ARRDC5: variants seen among roughly 807,000 people sequenced by gnomAD.
The protein encoded by ARRDC5 is arrestin domain containing 5.
A neutral mutation model predicts 13.3 loss-of-function variants in ARRDC5; 12 were observed. That is an observed-to-expected ratio of 0.90 (90% CI 0.58 to 1.46). ARRDC5 has a LOEUF of 1.46. ARRDC5 is among the 40% of genes most tolerant of loss of function. The probability of loss-of-function intolerance (pLI) is 0.00; values close to 1 mark genes in which losing one functional copy is unlikely to be tolerated. For missense variants in ARRDC5, 406 were observed against 418.7 expected, an observed-to-expected ratio of 0.97 and a Z score of 0.26; for synonymous variants, 181 against 173.4, an observed-to-expected ratio of 1.04 and a Z score of -0.34.
intron 2 of ARRDC5, among the ~76,000 whole-genome samples, chr19:4,896,086 A>G (rs2031699184): frequency 6.6e-6 from 1 of 152,096 alleles, no homozygotes; most frequent in African/African-American, 2.4e-5. Context: ...AGGCCAAGGC[A>G]GGCGGATCAC....
chr19:4,899,764 CAA>C (rs1217500792), intron 1 of ARRDC5, among the ~76,000 whole-genome samples: 10 of 67,980 alleles, frequency 1.5e-4, no homozygotes, highest in African/African-American at 3.6e-4. Flanking sequence ...CCCGTCTCTA[CAA>C]AAAAAAAAAA....
At chr19:4,909,762 C>T in the ARRDC5 span, 5 of 478,876 alleles carry the variant, frequency 1.0e-5, no homozygotes. Context: ...GCATGTCCCG[C>T]ACTCTGTCCC....
upstream of ARRDC5, among the ~76,000 whole-genome samples, chr19:4,903,919 G>T (rs1022608651): frequency 1.5e-4 from 23 of 152,196 alleles, no homozygotes; most frequent in African/African-American, 5.3e-4. Context: ...GATCAGGGCA[G>T]TGTGTGCTTA....
At chr19:4,903,076 G>T (rs79563363), upstream of ARRDC5, 46,252 of 457,682 alleles carry the variant, frequency 0.1, 2,922 homozygotes, top group Middle Eastern at 0.18. Flanking sequence ...GCCCAGGCTG[G>T]AGTGCAGGGG....
At chr19:4,909,603 C>A in the ARRDC5 span, 548 of 641,366 alleles carry the variant, frequency 8.5e-4, 6 homozygotes, top group South Asian at 6.6e-3. Context: ...TCATCGCCAT[C>A]CCCAGCCGGG....
At chr19:4,916,677 G>A in the ARRDC5 span, among the ~76,000 whole-genome samples, 3 of 152,194 alleles carry the variant, frequency 2.0e-5, no homozygotes, top group East Asian at 1.9e-4. Context: ...TGTCTCCTCC[G>A]TGTCTAGGAT....
At chr19:4,907,416 C>T (rs1181980599), upstream of ARRDC5, among the ~76,000 whole-genome samples, 1 of 151,490 alleles carries the variant, frequency 6.6e-6, no homozygotes, top group African/African-American at 2.4e-5. Flanking sequence ...TTACAGGCGC[C>T]GGCCACCACA....
At chr19:4,913,807 C>CT in the ARRDC5 span, among the ~76,000 whole-genome samples, 2,313 of 110,084 alleles carry the variant, frequency 0.021, 36 homozygotes, top group African/African-American at 0.025. Context: ...CATGCAGTAG[C>CT]TTTTTTTTTT....
the ARRDC5 span, among the ~76,000 whole-genome samples, chr19:4,912,723 G>A: frequency 1.1e-3 from 168 of 152,190 alleles, no homozygotes; most frequent in Non-Finnish European, 2.0e-3. Flanking sequence ...AGTACCTAGA[G>A]CTCAGTATTT....
the ARRDC5 span, among the ~76,000 whole-genome samples, chr19:4,913,763 C>T: frequency 4.6e-4 from 70 of 151,356 alleles, no homozygotes; most frequent in East Asian, 0.012. Context: ...CCTTCATAAC[C>T]GCCTCTTAGT....
At chr19:4,914,834 G>A in the ARRDC5 span, among the ~76,000 whole-genome samples, 6 of 152,236 alleles carry the variant, frequency 3.9e-5, no homozygotes, top group African/African-American at 7.2e-5. Context: ...ACGCTGCAGC[G>A]CAGTGCGAAT....
At chr19:4,906,181 G>A (rs1028755963), upstream of ARRDC5, among the ~76,000 whole-genome samples, 5 of 152,018 alleles carry the variant, frequency 3.3e-5, no homozygotes, top group African/African-American at 7.2e-5. Flanking sequence ...TTCTCACTAC[G>A]TTGCCCAAGC....
rs2656933 is a variant in ARRDC5, at chr19:4,895,060, A to T, written c.459+1611T>A. Among the ~76,000 whole-genome samples the T allele has an allele frequency of 7.0e-3, 1,059 of 152,138 alleles. 19 individuals carry two copies. Among genetic ancestry groups the T allele is most frequent in the African/African-American group, 0.024 (1,014 of 41,526 alleles). On this transcript the variant is annotated intron_variant, in intron 2 of 2. Coordinates refer to ENST00000650722, the MANE Select transcript of ARRDC5 (RefSeq NM_001080523.3). ...GGTATTTCTGTCCTGGTCCTGAAGG[A>T]GGTATCAGGAGGTGCCAAGAGCTAC...
chr19:4,899,918 G>A (rs1210688838), intron 1 of ARRDC5, among the ~76,000 whole-genome samples: 5 of 150,182 alleles, frequency 3.3e-5, no homozygotes, highest in Middle Eastern at 3.4e-3. Flanking sequence ...CACGCTGGGC[G>A]ACAGAGGAGA....
At chr19:4,899,174 T>C (rs1179039227) in intron 1 of ARRDC5, among the ~76,000 whole-genome samples, 1 of 151,104 alleles carries the variant, frequency 6.6e-6, no homozygotes, top group African/African-American at 2.4e-5. Context: ...TAGCTGGGCG[T>C]GGTGGCGGGT....
the ARRDC5 span, chr19:4,910,934 G>A: frequency 6.2e-7 from 1 of 1,613,696 alleles, no homozygotes. Context: ...CCACACGGTG[G>A]ACTCGCTGTC....
Position 4,891,602 on chromosome 19 carries a change from G to A in ARRDC5, c.460-29C>T, listed in dbSNP as rs78613262. On this transcript the variant is annotated intron_variant, in intron 2 of 2. Coordinates refer to ENST00000650722, the MANE Select transcript of ARRDC5 (RefSeq NM_001080523.3). ...GGAGGATGTGGGGGAACAGACAACC[G>A]TGAGGGACCAGGACCACAAAATCCA... The A allele has an allele frequency of 1.4e-3, 2,258 of 1,583,456 alleles. 29 individuals carry two copies. The African/African-American group carries it at 0.025, about 17-fold the overall frequency.
chr19:4,913,033 C>T, the ARRDC5 span, among the ~76,000 whole-genome samples: 9 of 152,010 alleles, frequency 5.9e-5, no homozygotes, highest in African/African-American at 1.4e-4. Context: ...GGGTTACAGG[C>T]GTGAGCTACA....
the ARRDC5 span, among the ~76,000 whole-genome samples, chr19:4,914,645 C>A: frequency 6.6e-6 from 1 of 151,410 alleles, no homozygotes; most frequent in African/African-American, 2.4e-5. Flanking sequence ...CTGCGGCCCC[C>A]ACCCCTCAAT....
Sources: gnomAD v4.1 joint callset for allele counts (sites outside exome capture counted in the v4.1 genomes callset) on GRCh38, gnomAD v4.1.1 for gene constraint, MANE v1.5 for transcripts, NCBI Gene and HGNC (gene_info 2026-07-23, HGNC 2026-07-21) for gene names.